MYT1L: variants seen among roughly 807,000 people sequenced by gnomAD.
The protein encoded by MYT1L is myelin transcription factor 1-like protein.
MYT1L carries 12 observed loss-of-function variants against 126.7 expected under a neutral mutation model. The ratio of observed to expected loss-of-function variants is 0.09; its 90% CI spans 0.06 to 0.15. The LOEUF is 0.15. Ranked by LOEUF, MYT1L falls within the 10% of genes least tolerant of loss-of-function variation. The pLI is 1.00. For missense variants in MYT1L, 979 were observed against 1,585.2 expected, an observed-to-expected ratio of 0.62 and a Z score of 6.49; for synonymous variants, 541 against 604.2, an observed-to-expected ratio of 0.90 and a Z score of 1.53.
At chr2:2,125,968 C>G (rs2081631678) in intron 3 of MYT1L, among the ~76,000 whole-genome samples, 1 of 152,222 alleles carries the variant, frequency 6.6e-6, no homozygotes, top group Non-Finnish European at 1.5e-5. Context: ...CAGCATTTTC[C>G]TGTGGAGCAC....
At chr2:2,019,052 TC>T (rs1202041297) in intron 4 of MYT1L, among the ~76,000 whole-genome samples, 1 of 152,150 alleles carries the variant, frequency 6.6e-6, no homozygotes, top group African/African-American at 2.4e-5. Context: ...TCTCCATTTC[TC>T]ACAAAAAGAA....
intron 5 of MYT1L, among the ~76,000 whole-genome samples, chr2:1,996,754 A>G (rs559544776): frequency 7.3e-6 from 1 of 136,194 alleles, no homozygotes; most frequent in South Asian, 2.4e-4. Flanking sequence ...TGTGGGCTGC[A>G]CAGAACCGAG....
At chr2:2,006,812 A>AT (rs2063372420) in intron 4 of MYT1L, among the ~76,000 whole-genome samples, 1 of 151,952 alleles carries the variant, frequency 6.6e-6, no homozygotes, top group African/African-American at 2.4e-5. Context: ...CTGAGCTCAA[A>AT]TGATCCACCC....
chr2:2,299,002 AC>A (rs1201678196), intron 1 of MYT1L, among the ~76,000 whole-genome samples: 3 of 151,972 alleles, frequency 2.0e-5, no homozygotes, highest in Non-Finnish European at 2.9e-5. Context: ...ACAGGCGTGC[AC>A]CACCACACCT....
At chr2:2,277,272 G>C (rs747693543) in intron 2 of MYT1L, among the ~76,000 whole-genome samples, 2 of 152,058 alleles carry the variant, frequency 1.3e-5, no homozygotes, top group Non-Finnish European at 2.9e-5. Flanking sequence ...GCCTGGCCCC[G>C]ATTGATTCTT....
chr2:2,293,316 C>T (rs2095626387), intron 1 of MYT1L, among the ~76,000 whole-genome samples: 1 of 152,150 alleles, frequency 6.6e-6, no homozygotes, highest in African/African-American at 2.4e-5. Flanking sequence ...GCCAAGTGCA[C>T]TAAGGAAAAA....
At chr2:2,163,384 A>T (rs2088367239) in intron 3 of MYT1L, among the ~76,000 whole-genome samples, 1 of 152,174 alleles carries the variant, frequency 6.6e-6, no homozygotes, top group African/African-American at 2.4e-5. Context: ...TTGAAGACTT[A>T]TCACTGAAAT....
chr2:1,949,012 G>A (rs757991963), intron 8 of MYT1L, among the ~76,000 whole-genome samples: 2 of 151,990 alleles, frequency 1.3e-5, no homozygotes, highest in African/African-American at 4.8e-5. Context: ...TCACACAGTT[G>A]AAACTTCAAA....
chr2:2,189,892 CCGCACGGGGAGAAGGAGCGTTCTCAGGA>C (rs1156881773), intron 2 of MYT1L, among the ~76,000 whole-genome samples: 191 of 151,680 alleles, frequency 1.3e-3, no homozygotes, highest in Non-Finnish European at 1.7e-3. Context: ...GTTCTCAGGA[CCGCACGGGGAGAAGGAGCGTTCTCAGGA>C]CGCACGGGGA....
At chr2:1,855,088 C>G (rs894014043) in intron 18 of MYT1L, among the ~76,000 whole-genome samples, 8 of 152,172 alleles carry the variant, frequency 5.3e-5, no homozygotes, top group Admixed American at 4.6e-4. Flanking sequence ...TTTTATGTTA[C>G]TGTTCAAGAA....
chr2:2,281,116 C>T (rs1383770203), intron 2 of MYT1L, among the ~76,000 whole-genome samples: 1 of 152,090 alleles, frequency 6.6e-6, no homozygotes, highest in African/African-American at 2.4e-5. Context: ...GGGTGGTTAC[C>T]CCACACCGTT....
intron 8 of MYT1L, among the ~76,000 whole-genome samples, chr2:1,956,551 TC>T (rs2058461481): frequency 4.4e-5 from 6 of 136,272 alleles, no homozygotes; most frequent in African/African-American, 1.4e-4. Flanking sequence ...CTATCTATCA[TC>T]TATCCTATTC....
At chr2:2,026,489 C>T (rs2065595236) in intron 4 of MYT1L, among the ~76,000 whole-genome samples, 1 of 152,238 alleles carries the variant, frequency 6.6e-6, no homozygotes, top group Non-Finnish European at 1.5e-5. Flanking sequence ...AAAGCTGTCT[C>T]TCAGCTAAAC....
At chr2:1,902,444 C>A (rs894793969) in intron 14 of MYT1L, among the ~76,000 whole-genome samples, 3 of 152,194 alleles carry the variant, frequency 2.0e-5, no homozygotes, top group African/African-American at 7.2e-5. Flanking sequence ...GACTCCGGTG[C>A]CGGTCTTCTG....
chr2:1,907,116 A>G (rs1016539715), intron 13 of MYT1L, among the ~76,000 whole-genome samples: 10 of 149,722 alleles, frequency 6.7e-5, no homozygotes, highest in Non-Finnish European at 1.2e-4. Context: ...TGTCTCTAAA[A>G]ATTTTTTTTT....
At chr2:2,013,959 C>T (rs187084967) in intron 4 of MYT1L, among the ~76,000 whole-genome samples, 1 of 152,336 alleles carries the variant, frequency 6.6e-6, no homozygotes, top group Admixed American at 6.5e-5. Context: ...TTGCTCCATG[C>T]ATCACAGGAT....
intron 1 of MYT1L, among the ~76,000 whole-genome samples, chr2:2,319,637 G>A (rs1023621227): frequency 2.6e-5 from 4 of 152,114 alleles, no homozygotes; most frequent in African/African-American, 4.8e-5. Flanking sequence ...ACCCAGGAAA[G>A]GGGCCTCAGG....
At chr2:1,996,569 G>A (rs1383923183) in intron 5 of MYT1L, among the ~76,000 whole-genome samples, 13 of 130,830 alleles carry the variant, frequency 9.9e-5, no homozygotes, top group Admixed American at 3.9e-4. Context: ...GAGTGTAGAC[G>A]GGCTGCCTTT....
intron 1 of MYT1L, among the ~76,000 whole-genome samples, chr2:2,297,809 G>C (rs2095717544): frequency 6.6e-6 from 1 of 152,258 alleles, no homozygotes; most frequent in East Asian, 1.9e-4. Flanking sequence ...TCTGAGGAAA[G>C]AAACAGGAGC....
Sources: allele counts gnomAD v4.1 joint callset (sites outside exome capture counted in the v4.1 genomes callset), GRCh38; gene constraint gnomAD v4.1.1; transcripts MANE v1.5; gene names NCBI Gene and HGNC (gene_info 2026-07-23, HGNC 2026-07-21).